The following GPHN variants were observed in gnomAD, a reference collection of about 807,000 sequenced individuals.
GPHN encodes gephyrin.
In GPHN, 17 loss-of-function variants were observed where a neutral mutation model predicts 95.5. The ratio of observed to expected loss-of-function variants is 0.18; its 90% CI spans 0.12 to 0.27. The LOEUF (loss-of-function observed/expected upper bound fraction) is 0.27, where lower values mean the gene tolerates loss of function less well. Ranked by LOEUF, GPHN falls within the 10% of genes least tolerant of loss-of-function variation. The pLI is 1.00. For missense variants in GPHN, 660 were observed against 978.1 expected, an observed-to-expected ratio of 0.67 and a Z score of 4.34; for synonymous variants, 320 against 322.5, an observed-to-expected ratio of 0.99 and a Z score of 0.08.
At chr14:67,151,710 C>G (rs1037315830) in intron 18 of GPHN, among the ~76,000 whole-genome samples, 1 of 152,214 alleles carries the variant, frequency 6.6e-6, no homozygotes, top group Non-Finnish European at 1.5e-5. Flanking sequence ...GTGGCATGAT[C>G]TTGGTTCACT....
the GPHN span, among the ~76,000 whole-genome samples, chr14:67,544,689 T>G: frequency 1.3e-5 from 2 of 152,186 alleles, no homozygotes; most frequent in African/African-American, 4.8e-5. Flanking sequence ...ACTTGAAAAC[T>G]AAATAGAACT....
the GPHN span, among the ~76,000 whole-genome samples, chr14:67,696,148 GA>G: frequency 4.1e-4 from 61 of 148,176 alleles, 1 homozygote; most frequent in African/African-American, 1.1e-3. Context: ...GATTTTTCTG[GA>G]AAAAAAAAAG....
chr14:67,065,137 C>T (rs1314056881), intron 11 of GPHN, among the ~76,000 whole-genome samples: 2 of 152,094 alleles, frequency 1.3e-5, no homozygotes, highest in South Asian at 2.1e-4. Flanking sequence ...ATCATGTCTT[C>T]GTTCTCATTG....
the GPHN span, among the ~76,000 whole-genome samples, chr14:67,581,244 TC>T: frequency 1.3e-5 from 2 of 150,590 alleles, no homozygotes; most frequent in Admixed American, 1.3e-4. Flanking sequence ...CTGTCAGCCT[TC>T]CCTATACTGC....
intron 2 of GPHN, among the ~76,000 whole-genome samples, chr14:66,709,658 A>T (rs1481422707): frequency 6.6e-6 from 1 of 152,196 alleles, no homozygotes; most frequent in Non-Finnish European, 1.5e-5. Context: ...TTGGAAAGCA[A>T]AACTGAAGAT....
the GPHN span, among the ~76,000 whole-genome samples, chr14:67,458,859 C>T: frequency 6.6e-6 from 1 of 151,898 alleles, no homozygotes; most frequent in African/African-American, 2.4e-5. Flanking sequence ...CTGGGACTAC[C>T]AAAGTGCACC....
intron 1 of GPHN, among the ~76,000 whole-genome samples, chr14:66,671,298 G>A (rs967314837): frequency 1.3e-5 from 2 of 152,190 alleles, no homozygotes; most frequent in Non-Finnish European, 2.9e-5. Context: ...GAAGTGGAAA[G>A]TTCTCAGTTG....
chr14:67,485,989 G>A, the GPHN span, among the ~76,000 whole-genome samples: 1 of 152,226 alleles, frequency 6.6e-6, no homozygotes, highest in South Asian at 2.1e-4. Context: ...CACATGCATT[G>A]CTCATGGCTT....
the GPHN span, chr14:67,676,868 AAG>A: frequency 5.9e-5 from 9 of 152,254 alleles, no homozygotes; most frequent in South Asian, 2.1e-4. Flanking sequence ...AATAATCAAA[AAG>A]AATTTTTATT....
chr14:67,114,446 T>A (rs2078557263), intron 16 of GPHN, among the ~76,000 whole-genome samples: 1 of 152,090 alleles, frequency 6.6e-6, no homozygotes, highest in South Asian at 2.1e-4. Flanking sequence ...ATCCCAGCAT[T>A]TAGGGAGGCT....
chr14:66,680,634 A>T (rs1247800782), intron 1 of GPHN, among the ~76,000 whole-genome samples: 1 of 152,216 alleles, frequency 6.6e-6, no homozygotes, highest in Non-Finnish European at 1.5e-5. Context: ...ATCCTTCCAG[A>T]AATTAAAATA....
chr14:67,642,181 T>C, the GPHN span: 2 of 1,612,872 alleles, frequency 1.2e-6, no homozygotes, highest in East Asian at 4.5e-5. Flanking sequence ...CTCATTTGCT[T>C]CCAGGCTGCC....
the GPHN span, among the ~76,000 whole-genome samples, chr14:67,687,314 G>A: frequency 6.6e-6 from 1 of 152,044 alleles, no homozygotes; most frequent in Non-Finnish European, 1.5e-5. Flanking sequence ...CTAAGGGTTT[G>A]GCATCTACCT....
intron 17 of GPHN, among the ~76,000 whole-genome samples, chr14:67,141,395 A>G (rs1046264792): frequency 2.6e-5 from 4 of 152,204 alleles, no homozygotes; most frequent in Admixed American, 2.6e-4. Flanking sequence ...CAAGCATGCT[A>G]TAGTCGAACT....
the GPHN span, among the ~76,000 whole-genome samples, chr14:67,533,984 T>G: frequency 6.6e-5 from 10 of 152,120 alleles, no homozygotes; most frequent in East Asian, 1.6e-3. Context: ...GGAAGGAAAC[T>G]CCTCTCCTTG....
chr14:67,181,622 A>C lies in GPHN; in HGVS notation c.*685A>C, dbSNP rs151321607. 104 of 357,826 alleles carry C rather than the reference A, an allele frequency of 2.9e-4. No individual in the cohort carries two copies. Among genetic ancestry groups the C allele is most frequent in the African/African-American group, 2.1e-3 (96 of 46,718 alleles). 22.2% of individuals were successfully genotyped at this position (357,826 alleles called of 1,614,324 possible). On this transcript the variant is annotated 3_prime_UTR_variant, in exon 23 of 23. Coordinates refer to ENST00000478722, the MANE Select transcript of GPHN (RefSeq NM_020806.5). ...CAGCCTTTTTAACCAATACATTTAA[A>C]ATTGTACAGAACAAAAAAATAAAAT...
intron 1 of GPHN, among the ~76,000 whole-genome samples, chr14:66,655,318 TACA>T (rs890216461): frequency 3.3e-5 from 5 of 152,182 alleles, no homozygotes; most frequent in African/African-American, 4.8e-5. Flanking sequence ...ACGCAAGCCC[TACA>T]ACGTTTTGTA....
At chr14:67,639,494 T>C in the GPHN span, among the ~76,000 whole-genome samples, 3 of 152,270 alleles carry the variant, frequency 2.0e-5, no homozygotes, top group South Asian at 6.2e-4. Context: ...ATTGTACACC[T>C]AATATTATAA....
chr14:67,375,889 A>T, the GPHN span, among the ~76,000 whole-genome samples: 1 of 152,136 alleles, frequency 6.6e-6, no homozygotes, highest in African/African-American at 2.4e-5. Flanking sequence ...GTGTTAATAG[A>T]TCTTATTGAG....
Sources: gnomAD v4.1 joint callset for allele counts (sites outside exome capture counted in the v4.1 genomes callset) on GRCh38, gnomAD v4.1.1 for gene constraint, MANE v1.5 for transcripts, NCBI Gene and HGNC (gene_info 2026-07-23, HGNC 2026-07-21) for gene names.